The following STIP1 variants were observed in gnomAD, a reference collection of about 807,000 sequenced individuals.
The protein encoded by STIP1 is stress induced phosphoprotein 1.
In STIP1, 16 loss-of-function variants were observed where a neutral mutation model predicts 77.4. The observed-to-expected ratio is 0.21, with a 90% CI of 0.14 to 0.31. The LOEUF is 0.31. STIP1 is among the 10% of genes least tolerant of loss of function. The pLI, the probability that STIP1 is intolerant of heterozygous loss-of-function variation, is 1.00. For missense variants in STIP1, 524 were observed against 684.8 expected, an observed-to-expected ratio of 0.77 and a Z score of 2.62; for synonymous variants, 258 against 246.6, an observed-to-expected ratio of 1.05 and a Z score of -0.44.
rs1245305962 is a variant in STIP1, at chr11:64,195,651, A to G, written c.510A>G (p.Leu170=). Reference sequence around the variant, plus strand: ...TTTTTTAAATCAATACTAGGAAACTACAAGATCCCCGGATCATGACCACTC... The same window carrying G: ...TTTTTTAAATCAATACTAGGAAACTGCAAGATCCCCGGATCATGACCACTC... The part of the protein sequence containing the change: ...RNKPSDLGTK[L]QDPRIMTTLS... Residue 170 remains leucine, a synonymous_variant, in exon 5 of 14, where the codon CTA becomes CTG. Transcript: ENST00000305218. 4 of 1,604,758 alleles carry G rather than the reference A, an allele frequency of 2.5e-6. No individual in the cohort carries two copies. Among genetic ancestry groups the G allele is most frequent in the Non-Finnish European group, 2.5e-6 (3 of 1,177,098 alleles).
Position 64,199,970 on chromosome 11 carries a change from C to A in STIP1, c.1054C>A (p.Leu352Met). The A allele has an allele frequency of 6.2e-7, 1 of 1,614,204 alleles. No homozygotes were observed. The change falls in exon 9 of 14, where the codon CTG becomes ATG. Residue 352 changes from leucine (L) to methionine (M), a missense_variant. Coordinates refer to ENST00000305218, the MANE Select transcript of STIP1 (RefSeq NM_006819.3). ...AEKILKEQER[L>M]AYINPDLALE... ...GAAAATCCTGAAGGAGCAAGAGCGG[C>A]TGGCCTACATAAACCCCGACCTGGC...
In STIP1 at chr11:64,200,182, G is replaced by T; in HGVS notation, c.1134G>T (p.Gln378His). The T allele has an allele frequency of 6.2e-7, 1 of 1,613,264 alleles. No homozygotes were observed. Among genetic ancestry groups the T allele is most frequent in the Non-Finnish European group, 8.5e-7 (1 of 1,179,656 alleles). Residue 378 changes from glutamine to histidine, a missense_variant, in exon 10 of 14, where the codon CAG (glutamine) becomes CAT (histidine). Gln to His is a conservative substitution (Grantham distance 24). Coordinates refer to ENST00000305218, the MANE Select transcript of STIP1 (RefSeq NM_006819.3). ...TTTCTTCCCCAGGGGACTATCCCCA[G>T]GCCATGAAGCATTATACAGAAGCCA... is the stretch of plus-strand genomic sequence containing the variant. ...NECFQKGDYP[Q>H]AMKHYTEAIK...
Position 64,195,783 on chromosome 11 carries a change from G to A in STIP1, c.642G>A (p.Met214Ile). 1 of 1,614,146 alleles carries A rather than the reference G, an allele frequency of 6.2e-7. No individual in the cohort carries two copies. The highest frequency in any genetic ancestry group is 8.5e-7 in the Non-Finnish European group (1 of 1,180,026). The change falls in exon 5 of 14, where the codon ATG becomes ATA. Residue 214 changes from methionine to isoleucine, a missense_variant. Physicochemically the swap from Met to Ile is conservative, Grantham distance 10. Coordinates refer to ENST00000305218, the MANE Select transcript of STIP1 (RefSeq NM_006819.3). The part of the protein sequence containing the change: ...PPKKETKPEP[M>I]EEDLPENKKQ... ...AAAAGGAGACCAAGCCAGAGCCAAT[G>A]GAAGAAGATCTTCCAGAGAATAAGA...
intron 1 of STIP1, among the ~76,000 whole-genome samples, chr11:64,189,250 A>G (rs943438132): frequency 2.0e-5 from 3 of 152,186 alleles, no homozygotes; most frequent in Non-Finnish European, 4.4e-5. Flanking sequence ...AGTCCCGGCT[A>G]CTTGGGAGGC....
intron 8 of STIP1, 50 bp downstream of exon 8, chr11:64,198,024 C>G: frequency 6.4e-7 from 1 of 1,565,162 alleles, no homozygotes; most frequent in Non-Finnish European, 8.6e-7. Flanking sequence ...AATAATTGAG[C>G]CATTGTTTCT....
intron 1 of STIP1, among the ~76,000 whole-genome samples, chr11:64,190,787 G>A (rs1479980227): frequency 1.3e-5 from 2 of 152,258 alleles, no homozygotes; most frequent in African/African-American, 4.8e-5. Context: ...TTTAGGCCAA[G>A]AGTTTGAGAC....
chr11:64,186,258 C>G lies in STIP1; in HGVS notation c.-4C>G. On this transcript the variant is annotated 5_prime_UTR_variant, in exon 1 of 14. Coordinates refer to ENST00000305218, the MANE Select transcript of STIP1 (RefSeq NM_006819.3). Reference sequence around the variant, plus strand: ...TTCAACGGGGTTCCGGACCGCGCTGCGCTATGGAGCAGGTGAAGGGGGAGG... The same window carrying G: ...TTCAACGGGGTTCCGGACCGCGCTGGGCTATGGAGCAGGTGAAGGGGGAGG... The G allele has an allele frequency of 1.3e-6, 2 of 1,508,470 alleles. No homozygotes were observed. Among genetic ancestry groups the G allele is most frequent in the Non-Finnish European group, 1.8e-6 (2 of 1,120,796 alleles). The allele number at this position is 1,508,470 out of a possible 1,614,324, so 93.4% of individuals were successfully genotyped here. A position where few individuals can be genotyped will look rare whatever the true frequency, so the allele number is the denominator to read the frequency against.
At chr11:64,197,160 G>T in intron 5 of STIP1, 111 bp from the exon 6 acceptor site, 1 of 1,440,266 alleles carries the variant, frequency 6.9e-7, no homozygotes, top group East Asian at 2.3e-5. Context: ...AGGAGAACTT[G>T]ATAGAATTCT....
chr11:64,197,157 C>T lies in STIP1; in HGVS notation c.673-114C>T, dbSNP rs1591011140. On this transcript the variant is annotated intron_variant, in intron 5 of 13. Coordinates refer to ENST00000305218, the MANE Select transcript of STIP1 (RefSeq NM_006819.3). ...ACTGATGAAGAGGCCTTCAGGAGAA[C>T]TTGATAGAATTCTATTCATGTTAGT... is the stretch of plus-strand genomic sequence containing the variant. The T allele has an allele frequency of 2.8e-6, 4 of 1,420,606 alleles. No homozygotes were observed. The East Asian group carries it at 9.3e-5, about 33-fold the overall frequency. 88.0% of individuals were successfully genotyped at this position (1,420,606 alleles called of 1,614,324 possible). A position where few individuals can be genotyped will look rare whatever the true frequency, so the allele number is the denominator to read the frequency against.
At position 64,204,294 on chromosome 11, in the gene STIP1, C is replaced by T. The variant is rs906943145; in HGVS notation, c.*168C>T. On this transcript the variant is annotated 3_prime_UTR_variant, in exon 14 of 14. Coordinates refer to ENST00000305218, the MANE Select transcript of STIP1 (RefSeq NM_006819.3). The stretch of plus-strand genomic sequence containing the variant: ...AGACTCGTACCTGCGCTGTTTGTGC[C>T]GCCGCTGCCTCTGGGCCCTCCCAGC... 1.8e-5 allele frequency: 12 copies of T among 661,204 alleles called. No homozygotes were observed. Among genetic ancestry groups the T allele is most frequent in the African/African-American group, 3.7e-5 (2 of 54,586 alleles). The allele number at this position is 661,204 out of a possible 1,614,324, so 41.0% of individuals were successfully genotyped here. A position where few individuals can be genotyped will look rare whatever the true frequency, so the allele number is the denominator to read the frequency against.
At position 64,186,205 on chromosome 11, in the gene STIP1, G is replaced by C. The variant is rs1468612479; in HGVS notation, c.-57G>C. ...TAGGTTCCAGAAGGCGGCGCGTGCG[G>C]TTGGGAACGCGGAGCGGACGGATTC... On this transcript the variant is annotated 5_prime_UTR_variant, in exon 1 of 14. Coordinates refer to ENST00000305218, the MANE Select transcript of STIP1 (RefSeq NM_006819.3). The C allele has an allele frequency of 5.8e-6, 9 of 1,550,804 alleles. 1 individual carries two copies. In the Admixed American group the frequency reaches 1.2e-4, roughly 20 times the overall value.
chr11:64,197,284 AAG>A lies in STIP1; in HGVS notation c.689_690del (p.Glu230AlafsTer12), dbSNP rs1464904946. 1 of 1,613,946 alleles carries A rather than the reference AAG, an allele frequency of 6.2e-7. No individual in the cohort carries two copies. The highest frequency in any genetic ancestry group is 1.7e-5 in the Admixed American group (1 of 59,962). On this transcript the variant is annotated frameshift_variant, in exon 6 of 14. Transcript: ENST00000305218. LOFTEE classifies it high-confidence loss of function. ...AACCTCATCTAGGCACTGAAAGAAA[AAG>A]AGCTGGGGAACGATGCCTACAAGAA...
intron 11 of STIP1, 25 bp from the exon 12 acceptor site, chr11:64,203,100 A>G (rs1466644614): frequency 6.2e-7 from 1 of 1,613,822 alleles, no homozygotes; most frequent in South Asian, 1.1e-5. Context: ...GCGGTTGGAT[A>G]ACGCGCCACC....
In STIP1 at chr11:64,188,055, A is replaced by G. The variant is rs752601520; in HGVS notation, c.9+1785A>G. Among the ~76,000 whole-genome samples the G allele has an allele frequency of 2.1e-3, 313 of 151,546 alleles. 1 individual carries two copies. The highest frequency in any genetic ancestry group is 0.01 in the Middle Eastern group (3 of 294). On this transcript the variant is annotated intron_variant, in intron 1 of 13. Coordinates refer to ENST00000305218, the MANE Select transcript of STIP1 (RefSeq NM_006819.3). ...TCCGTCTCAAAAAAAAAAAAAAAAA[A>G]AAGGATCTCGGCTGGGCGCAGTGGC...
At position 64,186,353 on chromosome 11, in the gene STIP1, C is replaced by T. The variant is rs1173686619; in HGVS notation, c.9+83C>T. The T allele has an allele frequency of 5.1e-6, 6 of 1,183,098 alleles. No individual in the cohort carries two copies. The African/African-American group carries it at 5.1e-5, about 10-fold the overall frequency. 73.3% of individuals were successfully genotyped at this position (1,183,098 alleles called of 1,614,324 possible). On this transcript the variant is annotated intron_variant, in intron 1 of 13. Transcript: ENST00000305218. ...GGCCGCGGTAGGGGGGCGGGGCGGG[C>T]GCCGGATCCAGGAGACCGGAGCTCG...
At position 64,195,640 on chromosome 11, in the gene STIP1, A is replaced by G. The variant is rs1299348119; in HGVS notation, c.504-5A>G. On this transcript the variant is annotated splice_polypyrimidine_tract_variant and splice_region_variant and intron_variant, in intron 4 of 13. Coordinates refer to ENST00000305218, the MANE Select transcript of STIP1 (RefSeq NM_006819.3). The stretch of plus-strand genomic sequence containing the variant: ...TTTTTCTTTATTTTTTTAAATCAAT[A>G]CTAGGAAACTACAAGATCCCCGGAT... 3 of 1,594,066 alleles carry G rather than the reference A, an allele frequency of 1.9e-6. No individual in the cohort carries two copies. Among genetic ancestry groups the G allele is most frequent in the East Asian group, 2.2e-5 (1 of 44,720 alleles).
At chr11:64,192,978 A>C in intron 1 of STIP1, 100 bp from the exon 2 acceptor site, 1 of 1,128,538 alleles carries the variant, frequency 8.9e-7, no homozygotes, top group Non-Finnish European at 1.3e-6. Flanking sequence ...AAAGTCACCT[A>C]TTTATTTGTT....
Sources: allele counts gnomAD v4.1 joint callset (sites outside exome capture counted in the v4.1 genomes callset), GRCh38; gene constraint gnomAD v4.1.1; transcripts MANE v1.5; gene names NCBI Gene and HGNC (gene_info 2026-07-23, HGNC 2026-07-21).